The following KBTBD12 variants were observed in gnomAD, a reference collection of about 807,000 sequenced individuals.
KBTBD12 encodes the protein kelch repeat and BTB domain-containing protein 12.
In KBTBD12, 53 loss-of-function variants were observed where a neutral mutation model predicts 58.7. That is an observed-to-expected ratio of 0.90 (90% CI 0.72 to 1.14). KBTBD12 has a LOEUF of 1.14. Among genes scored for constraint, KBTBD12 ranks in the 50% most tolerant of loss-of-function variants. The probability of loss-of-function intolerance (pLI) is 0.00; values close to 1 mark genes in which losing one functional copy is unlikely to be tolerated. For synonymous variants in KBTBD12, 236 were observed against 259.8 expected (o/e 0.91, Z 0.88); for missense variants, 704 against 751.3 (o/e 0.94, Z 0.74).
chr3:127,948,668 C>T (rs1311558089), intron 4 of KBTBD12, among the ~76,000 whole-genome samples: 2 of 152,116 alleles, frequency 1.3e-5, no homozygotes, highest in African/African-American at 2.4e-5. Context: ...AGTGAGAATC[C>T]CTGGTGTACC....
chr3:127,980,370 C>T (rs184486191), intron 5 of KBTBD12, among the ~76,000 whole-genome samples: 39 of 152,216 alleles, frequency 2.6e-4, no homozygotes, highest in East Asian at 1.9e-3. Context: ...CGCTCTGTCG[C>T]GCAGGCTGGA....
chr3:127,974,437 C>T (rs761325015), intron 5 of KBTBD12, among the ~76,000 whole-genome samples: 1 of 152,074 alleles, frequency 6.6e-6, no homozygotes, highest in Admixed American at 6.6e-5. Context: ...GAGGGCATTG[C>T]TCTCCCTAGA....
intron 4 of KBTBD12, among the ~76,000 whole-genome samples, chr3:127,953,434 A>G (rs1250152042): frequency 6.6e-6 from 1 of 152,214 alleles, no homozygotes; most frequent in Non-Finnish European, 1.5e-5. Context: ...CCAGGTACAC[A>G]TTTTCATGTA....
intron 2 of KBTBD12, among the ~76,000 whole-genome samples, chr3:127,926,830 T>C (rs1939584408): frequency 6.6e-6 from 1 of 152,186 alleles, no homozygotes; most frequent in African/African-American, 2.4e-5. Context: ...GTGTTTAATT[T>C]TGAATTCCAG....
chr3:127,953,298 A>C (rs1475150349), intron 4 of KBTBD12, among the ~76,000 whole-genome samples: 1 of 152,212 alleles, frequency 6.6e-6, no homozygotes, highest in East Asian at 1.9e-4. Flanking sequence ...AGATGAGGTC[A>C]TTCTGTCCTC....
At chr3:127,959,927 G>A (rs1940397185) in intron 4 of KBTBD12, among the ~76,000 whole-genome samples, 1 of 152,222 alleles carries the variant, frequency 6.6e-6, no homozygotes, top group African/African-American at 2.4e-5. Context: ...CTTTTTCCAA[G>A]GCACGTGGGT....
rs1033854443 is a variant in KBTBD12, at chr3:127,936,588, G to T, written c.1492+6305G>T. ...AATCACTAAATTGTACACACAATGG[G>T]TGTATAATGTGGTATCTAAGTTGTC... On this transcript the variant is annotated intron_variant, in intron 4 of 5. Coordinates refer to ENST00000405109, the MANE Select transcript of KBTBD12 (RefSeq NM_207335.4). Among the ~76,000 whole-genome samples the T allele has an allele frequency of 2.0e-5, 3 of 152,136 alleles. No individual in the cohort carries two copies. In the East Asian group the frequency reaches 5.8e-4, roughly 29 times the overall value.
chr3:127,961,063 G>T (rs1181472923), intron 4 of KBTBD12, among the ~76,000 whole-genome samples: 1 of 152,096 alleles, frequency 6.6e-6, no homozygotes, highest in Non-Finnish European at 1.5e-5. Flanking sequence ...GCTTCCACTT[G>T]CTGGTCTTCT....
chr3:127,980,190 G>A (rs571141754), intron 5 of KBTBD12, among the ~76,000 whole-genome samples: 1 of 152,166 alleles, frequency 6.6e-6, no homozygotes, highest in Admixed American at 6.5e-5. Context: ...GATAGAACAA[G>A]AGAAGATAAA....
At chr3:127,958,136 G>C (rs1006118009) in intron 4 of KBTBD12, among the ~76,000 whole-genome samples, 1 of 152,122 alleles carries the variant, frequency 6.6e-6, no homozygotes, top group Non-Finnish European at 1.5e-5. Context: ...GGAGGGAGAA[G>C]GGCAGACCAG....
At chr3:127,926,934 A>G (rs1939586023) in intron 2 of KBTBD12, among the ~76,000 whole-genome samples, 1 of 152,086 alleles carries the variant, frequency 6.6e-6, no homozygotes, top group Non-Finnish European at 1.5e-5. Context: ...CAGACTGTGT[A>G]TCTTCAATCA....
At chr3:127,916,177 G>A (rs897583323) in intron 1 of KBTBD12, among the ~76,000 whole-genome samples, 1 of 152,180 alleles carries the variant, frequency 6.6e-6, no homozygotes, top group African/African-American at 2.4e-5. Flanking sequence ...GAAAAGAAAA[G>A]AAAACTGGTC....
Position 127,927,788 on chromosome 3 carries a change from T to C in KBTBD12, c.1095T>C (p.Phe365=). 1.3e-6 allele frequency: 2 copies of C among 1,556,504 alleles called. No individual in the cohort carries two copies. The highest frequency in any genetic ancestry group is 1.7e-6 in the Non-Finnish European group (2 of 1,150,570). ...GGTATCATGATAGAGGAAACCAGTT[T>C]TGGGAAAAGTTATGCACAGCTGAAT... ...IYRYHDRGNQ[F]WEKLCTAEFR... The change falls in exon 3 of 6, where the codon TTT becomes TTC. Residue 365 remains phenylalanine (F), a synonymous_variant. Transcript: ENST00000405109.
In KBTBD12 at chr3:127,916,368, A is replaced by C. The variant is rs557198578; in HGVS notation, c.-113+782A>C. Among the ~76,000 whole-genome samples, 73 of 152,322 alleles carry C rather than the reference A, an allele frequency of 4.8e-4. 1 individual carries two copies. Among genetic ancestry groups the C allele is most frequent in the African/African-American group, 1.7e-3 (69 of 41,570 alleles). On this transcript the variant is annotated intron_variant, in intron 1 of 5. Transcript: ENST00000405109. ...TCTGCAAGCGTAGGATTTTAGCAAG[A>C]TGGTGTTGCTGAAACAAAATAGGGT...
At chr3:127,932,185 C>A (rs74351284) in intron 4 of KBTBD12, among the ~76,000 whole-genome samples, 182 of 152,214 alleles carry the variant, frequency 1.2e-3, no homozygotes, top group African/African-American at 4.1e-3. Flanking sequence ...TTCATGATCA[C>A]CCCAGTGAGC....
chr3:127,982,073 T>C (rs1294694351), intron 5 of KBTBD12, among the ~76,000 whole-genome samples: 1 of 152,212 alleles, frequency 6.6e-6, no homozygotes, highest in Non-Finnish European at 1.5e-5. Flanking sequence ...CCTCTCTCTG[T>C]GTCCTTCCAG....
rs540651532 is a variant in KBTBD12 at position 127,918,450 on chromosome 3, C to T, written c.-113+2864C>T. Among the ~76,000 whole-genome samples, 22 of 152,166 alleles carry T rather than the reference C, an allele frequency of 1.4e-4. No individual in the cohort carries two copies. The East Asian group carries it at 2.9e-3, about 20-fold the overall frequency. On this transcript the variant is annotated intron_variant, in intron 1 of 5. Coordinates refer to ENST00000405109, the MANE Select transcript of KBTBD12 (RefSeq NM_207335.4). The stretch of plus-strand genomic sequence containing the variant: ...CATGTTAGCCAGGCGCGGTGGCTCA[C>T]GCCTGTAATCCCAGCACTTTGGGAG...
intron 4 of KBTBD12, among the ~76,000 whole-genome samples, chr3:127,936,715 G>T (rs1488348402): frequency 6.6e-6 from 1 of 152,098 alleles, no homozygotes; most frequent in Non-Finnish European, 1.5e-5. Flanking sequence ...CTCAAGGTGG[G>T]AAATCTAATT....
intron 3 of KBTBD12, among the ~76,000 whole-genome samples, chr3:127,929,921 AC>A (rs1320273321): frequency 6.6e-6 from 1 of 151,850 alleles, no homozygotes; most frequent in African/African-American, 2.4e-5. Context: ...ATAACCATGC[AC>A]CTTTGGCCCA....
Sources: gnomAD v4.1 joint callset for allele counts (sites outside exome capture counted in the v4.1 genomes callset) on GRCh38, gnomAD v4.1.1 for gene constraint, MANE v1.5 for transcripts, NCBI Gene and HGNC (gene_info 2026-07-23, HGNC 2026-07-21) for gene names.